Variants in AKAP6 observed in about 807,000 individuals in gnomAD.
The protein encoded by AKAP6 is A-kinase anchoring protein 6.
A neutral mutation model predicts 188.5 loss-of-function variants in AKAP6; 58 were observed. The observed-to-expected ratio is 0.31, with a 90% CI of 0.25 to 0.38. AKAP6 has a LOEUF of 0.38. Among genes scored for constraint, AKAP6 ranks in the 10% least tolerant of loss-of-function variants. The probability of loss-of-function intolerance (pLI) is 1.00; values close to 1 mark genes in which losing one functional copy is unlikely to be tolerated. For synonymous variants in AKAP6, 989 were observed against 998.6 expected, an observed-to-expected ratio of 0.99 and a Z score of 0.18; for missense variants, 2,710 against 2,740.0, an observed-to-expected ratio of 0.99 and a Z score of 0.24.
chr14:32,725,793 GC>G (rs1399254181), intron 9 of AKAP6, among the ~76,000 whole-genome samples: 1 of 152,136 alleles, frequency 6.6e-6, no homozygotes, highest in Admixed American at 6.5e-5. Flanking sequence ...TATGAGTTGA[GC>G]CTGGAAATGT....
chr14:32,416,338 T>C (rs1873887593), intron 1 of AKAP6, among the ~76,000 whole-genome samples: 1 of 152,240 alleles, frequency 6.6e-6, no homozygotes, highest in Admixed American at 6.5e-5. Flanking sequence ...TGGGCATTTG[T>C]ACATCTTCTT....
chr14:32,593,488 T>A (rs1885568975), intron 5 of AKAP6, among the ~76,000 whole-genome samples: 1 of 152,140 alleles, frequency 6.6e-6, no homozygotes, highest in South Asian at 2.1e-4. Flanking sequence ...GAGACTTCCC[T>A]TGAGGTGGTT....
intron 7 of AKAP6, among the ~76,000 whole-genome samples, chr14:32,647,904 C>T (rs890810582): frequency 5.9e-5 from 9 of 152,014 alleles, no homozygotes; most frequent in Non-Finnish European, 1.0e-4. Context: ...CATGACTGTA[C>T]GGGCTTTTCT....
At position 32,824,483 on chromosome 14, in the gene AKAP6, G is replaced by C. The variant is rs776617608; in HGVS notation, c.6670G>C (p.Val2224Leu). ...SSPSSQERAE[V>L]GKEVNGLPQT... ...TCCTTCCTCTCAGGAAAGAGCTGAG[G>C]TTGGAAAGGAAGTGAATGGTTTGCC... The change falls in exon 13 of 14, where the codon GTT (valine) becomes CTT (leucine). Residue 2224 changes from valine to leucine, a missense_variant. Around this residue, in one of 2 missense-constraint regions of AKAP6, gnomAD observed 2,473 missense variants for 2,426.1 expected, o/e 1.02. Coordinates refer to ENST00000280979, the MANE Select transcript of AKAP6 (RefSeq NM_004274.5). 2 of 1,613,982 alleles carry C rather than the reference G, an allele frequency of 1.2e-6. No individual in the cohort carries two copies. Among genetic ancestry groups the C allele is most frequent in the South Asian group, 2.2e-5 (2 of 91,080 alleles).
rs1483581807 is a variant in AKAP6, at chr14:32,568,869, T to C, written c.2347-8251T>C. 3.9e-5 allele frequency among the ~76,000 whole-genome samples: 6 copies of C among 152,220 alleles called. No individual in the cohort carries two copies. The highest frequency in any genetic ancestry group is 1.3e-4 in the Admixed American group (2 of 15,276). On this transcript the variant is annotated intron_variant, in intron 4 of 13. Coordinates refer to ENST00000280979, the MANE Select transcript of AKAP6 (RefSeq NM_004274.5). The surrounding 1 kb of genome is among the most constrained non-coding windows in gnomAD (Gnocchi z 6.2). ...ATTGTTTGTTCCAGTTTATTCCCAT[T>C]TTTTTATTTGTACCTATTTTTATTA...
At chr14:32,592,740 C>A (rs1453385531) in intron 5 of AKAP6, among the ~76,000 whole-genome samples, 1 of 152,090 alleles carries the variant, frequency 6.6e-6, no homozygotes, top group Non-Finnish European at 1.5e-5. Context: ...GTATGCCAGG[C>A]TCCATTCTGC....
intron 9 of AKAP6, among the ~76,000 whole-genome samples, chr14:32,719,672 G>A (rs1390564803): frequency 1.3e-5 from 2 of 152,152 alleles, no homozygotes; most frequent in Admixed American, 1.3e-4. Context: ...TTTGGGAAAA[G>A]CACGTTTCAG....
At chr14:32,343,743 T>G (rs1334067688) in intron 1 of AKAP6, among the ~76,000 whole-genome samples, 1 of 57,890 alleles carries the variant, frequency 1.7e-5, no homozygotes, top group African/African-American at 9.3e-5. Context: ...CAAGATTCCG[T>G]CTCAAAAAAA....
At chr14:32,535,410 C>A in intron 2 of AKAP6, 144 bp from the exon 3 acceptor site, 1 of 972,400 alleles carries the variant, frequency 1.0e-6, no homozygotes, top group Non-Finnish European at 1.5e-6. Context: ...GGTATCTGAA[C>A]TAAAACAAAG....
intron 12 of AKAP6, among the ~76,000 whole-genome samples, chr14:32,812,605 G>C (rs2034264164): frequency 6.6e-6 from 1 of 152,144 alleles, no homozygotes; most frequent in Admixed American, 6.5e-5. Context: ...TATTTTTCAA[G>C]TTACTTCTAG....
intron 8 of AKAP6, among the ~76,000 whole-genome samples, chr14:32,685,568 C>CA (rs1180864641): frequency 6.6e-6 from 1 of 151,344 alleles, no homozygotes; most frequent in African/African-American, 2.4e-5. Context: ...ACTAAACATA[C>CA]AAAAAATTAG....
chr14:32,735,863 A>G lies in AKAP6; in HGVS notation c.3353A>G (p.Lys1118Arg), dbSNP rs1196790712. 1 of 1,608,122 alleles carries G rather than the reference A, an allele frequency of 6.2e-7. No homozygotes were observed. Among genetic ancestry groups the G allele is most frequent in the Non-Finnish European group, 8.5e-7 (1 of 1,177,604 alleles). The change falls in exon 11 of 14, where the codon AAA (lysine) becomes AGA (arginine). Residue 1118 changes from lysine (K) to arginine (R), a missense_variant. Coordinates refer to ENST00000280979, the MANE Select transcript of AKAP6 (RefSeq NM_004274.5). ...AAGGAAGGAACAATGAATACTGAGA[A>G]ACAACTGCAATACTTTAAGGTAATA... ...QEKEGTMNTEKQLQYFKSLCR... is the reference protein window; with the variant it reads ...QEKEGTMNTERQLQYFKSLCR...
chr14:32,643,146 C>G (rs577090319), intron 7 of AKAP6, among the ~76,000 whole-genome samples: 1 of 152,198 alleles, frequency 6.6e-6, no homozygotes, highest in Admixed American at 6.5e-5. Flanking sequence ...ATTGTGTTGT[C>G]CTAATGGATG....
chr14:32,678,290 T>A (rs747929136), intron 7 of AKAP6, 21 bp from the exon 8 acceptor site: 1 of 1,598,164 alleles, frequency 6.3e-7, no homozygotes, highest in East Asian at 2.3e-5. Flanking sequence ...AACAGCAATT[T>A]CTCTTTGTTT....
chr14:32,621,548 G>A (rs1481752497), intron 7 of AKAP6, among the ~76,000 whole-genome samples: 1 of 152,034 alleles, frequency 6.6e-6, no homozygotes, highest in Non-Finnish European at 1.5e-5. Context: ...ACAGAAGATA[G>A]TATTTTGATT....
At position 32,830,545 on chromosome 14, in the gene AKAP6, G is replaced by A. The variant is rs1265758158; in HGVS notation, c.*740G>A. ...TGAGAAAAAAGTTTTTTAAAAAAGT[G>A]TGCCTTGCTGTATTTCTTATACCAT... On this transcript the variant is annotated 3_prime_UTR_variant, in exon 14 of 14. Transcript: ENST00000280979. 1.3e-5 allele frequency: 2 copies of A among 152,584 alleles called. No homozygotes were observed. Among genetic ancestry groups the A allele is most frequent in the Non-Finnish European group, 2.9e-5 (2 of 68,016 alleles). 9.5% of individuals were successfully genotyped at this position (152,584 alleles called of 1,614,324 possible).
At chr14:32,803,429 C>G (rs1167665599) in intron 12 of AKAP6, among the ~76,000 whole-genome samples, 1 of 152,048 alleles carries the variant, frequency 6.6e-6, no homozygotes, top group East Asian at 1.9e-4. Context: ...TTATTTTCTT[C>G]TTTATATTTT....
At chr14:32,405,770 C>T (rs763595931) in intron 1 of AKAP6, among the ~76,000 whole-genome samples, 6 of 152,134 alleles carry the variant, frequency 3.9e-5, no homozygotes, top group Non-Finnish European at 8.8e-5. Context: ...CATTCTCTCT[C>T]CTGCCACCCT....
At chr14:32,437,284 G>A (rs1315097076) in intron 2 of AKAP6, among the ~76,000 whole-genome samples, 3 of 152,132 alleles carry the variant, frequency 2.0e-5, no homozygotes, top group African/African-American at 7.2e-5. Context: ...CAGTGAGGAA[G>A]TAGGGTCTGT....
Sources: allele counts gnomAD v4.1 joint callset (sites outside exome capture counted in the v4.1 genomes callset), GRCh38; gene constraint gnomAD v4.1.1; regional missense constraint gnomAD v4.1.1; non-coding constraint Gnocchi (gnomAD v3.1); transcripts MANE v1.5; gene names NCBI Gene and HGNC (gene_info 2026-07-23, HGNC 2026-07-21).